PCDHA10: variants seen among roughly 807,000 people sequenced by gnomAD.
The protein encoded by PCDHA10 is protocadherin alpha-10.
A neutral mutation model predicts 61.2 loss-of-function variants in PCDHA10; 45 were observed. The ratio of observed to expected loss-of-function variants is 0.74; its 90% CI spans 0.58 to 0.94. PCDHA10 has a LOEUF of 0.94. Ranked by LOEUF, PCDHA10 falls within the 40% of genes least tolerant of loss-of-function variation. The probability of loss-of-function intolerance (pLI) is 0.00; values close to 1 mark genes in which losing one functional copy is unlikely to be tolerated. For synonymous variants in PCDHA10, 602 were observed against 548.8 expected (o/e 1.10, Z -1.35); for missense variants, 1,278 against 1,236.2 (o/e 1.03, Z -0.51).
intron 1 of PCDHA10, chr5:140,884,560 G>A: frequency 6.2e-7 from 1 of 1,614,132 alleles, no homozygotes; most frequent in African/African-American, 1.3e-5. Context: ...GGGAGGGCCC[G>A]CATAAGACGG....
At chr5:140,923,785 C>T (rs2081509867) in intron 1 of PCDHA10, among the ~76,000 whole-genome samples, 1 of 152,156 alleles carries the variant, frequency 6.6e-6, no homozygotes, top group African/African-American at 2.4e-5. Flanking sequence ...ATGGTTTCTT[C>T]ATTCTTTTCA....
chr5:140,995,526 A>G (rs1241973159), intron 3 of PCDHA10, among the ~76,000 whole-genome samples: 1 of 152,244 alleles, frequency 6.6e-6, no homozygotes, highest in Non-Finnish European at 1.5e-5. Context: ...TCAGAAATCA[A>G]ACCTCAAATA....
At chr5:140,971,732 T>C (rs1554233582) in intron 1 of PCDHA10, among the ~76,000 whole-genome samples, 2 of 151,638 alleles carry the variant, frequency 1.3e-5, no homozygotes, top group African/African-American at 4.8e-5. Flanking sequence ...ATCATACATA[T>C]ACACATACAT....
chr5:140,884,577 T>G, intron 1 of PCDHA10: 1 of 1,614,230 alleles, frequency 6.2e-7, no homozygotes, highest in Non-Finnish European at 8.5e-7. Context: ...ACGGACCTCA[T>G]GGCCTTCAGT....
chr5:140,933,694 C>A lies in PCDHA10; in HGVS notation c.2389-45255C>A, dbSNP rs782754431. On this transcript the variant is annotated intron_variant, in intron 1 of 3. Coordinates refer to ENST00000307360, the MANE Select transcript of PCDHA10 (RefSeq NM_018901.4). ...CTCTCACATTTTTTTTCCTATTCCT[C>A]GGACACATTTACTGAGATTGGTGAT... 5.3e-5 allele frequency among the ~76,000 whole-genome samples: 8 copies of A among 151,858 alleles called. No homozygotes were observed. In the South Asian group the frequency reaches 1.7e-3, roughly 31 times the overall value.
intron 1 of PCDHA10, chr5:140,881,501 C>A (rs782000314): frequency 3.3e-4 from 82 of 248,870 alleles, no homozygotes; most frequent in Non-Finnish European, 4.9e-4. Context: ...CACATACACA[C>A]ACTCACATAC....
At chr5:140,959,230 A>C (rs776449475) in intron 1 of PCDHA10, among the ~76,000 whole-genome samples, 13 of 152,092 alleles carry the variant, frequency 8.5e-5, no homozygotes, top group Non-Finnish European at 1.0e-4. Context: ...TACAAAAATT[A>C]TCTGGGCATG....
chr5:140,914,815 GACTGCATAAACAAAAAACAAACACACAA>G (rs2076856567), intron 1 of PCDHA10, among the ~76,000 whole-genome samples: 1 of 151,986 alleles, frequency 6.6e-6, no homozygotes, highest in Non-Finnish European at 1.5e-5. Context: ...CAACTTAACA[GACTGCATAAACAAAAAACAAACACACAA>G]AAGGAAGACT....
At chr5:140,978,726 T>C (rs1453953300) in intron 1 of PCDHA10, among the ~76,000 whole-genome samples, 2 of 152,250 alleles carry the variant, frequency 1.3e-5, no homozygotes, top group African/African-American at 4.8e-5. Flanking sequence ...TTATTAAATC[T>C]GGTCTTCCAG....
intron 1 of PCDHA10, among the ~76,000 whole-genome samples, chr5:140,941,192 TTTCTTTCTTCCTTTCTTTCTTCC>T (rs2153649449): frequency 1.0e-5 from 1 of 99,660 alleles, no homozygotes; most frequent in African/African-American, 4.0e-5. Flanking sequence ...CTTCTTTTTT[TTTCTTTCTTCCTTTCTTTCTTCC>T]TTTCTTTCTT....
intron 1 of PCDHA10, chr5:140,877,849 TA>T: frequency 6.5e-7 from 1 of 1,545,946 alleles, no homozygotes; most frequent in Non-Finnish European, 8.7e-7. Context: ...AGTAAGTTAT[TA>T]ATATTATTTA....
chr5:140,900,420 GGC>G lies in PCDHA10; in HGVS notation c.2388+41985_2388+41986del, dbSNP rs1554189140. ...AGCCTCCCAAGTAGCTGGGATTATA[GGC>G]ACGTGCCACCACGGCCGGCTAATTT... On this transcript the variant is annotated intron_variant, in intron 1 of 3. Transcript: ENST00000307360. Among the ~76,000 whole-genome samples the G allele has an allele frequency of 7.9e-5, 12 of 152,256 alleles. No individual in the cohort carries two copies. The East Asian group carries it at 2.3e-3, about 30-fold the overall frequency.
At chr5:140,893,229 G>A (rs922723551) in intron 1 of PCDHA10, among the ~76,000 whole-genome samples, 3 of 152,212 alleles carry the variant, frequency 2.0e-5, no homozygotes, top group Non-Finnish European at 4.4e-5. Context: ...GTATCACTTT[G>A]ACATACTGGT....
At chr5:140,976,241 T>C (rs1170027788) in intron 1 of PCDHA10, among the ~76,000 whole-genome samples, 3 of 152,144 alleles carry the variant, frequency 2.0e-5, no homozygotes, top group African/African-American at 4.8e-5. Context: ...TGTCATTTCA[T>C]GTAAATTTAT....
chr5:140,922,605 A>G (rs1328283001), intron 1 of PCDHA10, among the ~76,000 whole-genome samples: 2 of 152,258 alleles, frequency 1.3e-5, no homozygotes, highest in African/African-American at 4.8e-5. Flanking sequence ...AGTTGAAGAT[A>G]TATTAAAACT....
intron 1 of PCDHA10, among the ~76,000 whole-genome samples, chr5:140,915,582 G>A (rs991142864): frequency 2.6e-5 from 4 of 152,056 alleles, no homozygotes; most frequent in South Asian, 4.1e-4. Flanking sequence ...CCAGGCAAAA[G>A]CACTTGTTCT....
intron 1 of PCDHA10, among the ~76,000 whole-genome samples, chr5:140,907,765 T>C (rs901037519): frequency 8.5e-5 from 13 of 152,144 alleles, no homozygotes; most frequent in African/African-American, 3.1e-4. Flanking sequence ...GCCCATTGGG[T>C]GATGACAGGG....
At chr5:140,987,938 C>G (rs2153869339) in intron 3 of PCDHA10, among the ~76,000 whole-genome samples, 1 of 152,208 alleles carries the variant, frequency 6.6e-6, no homozygotes, top group East Asian at 1.9e-4. Context: ...AGGATTCTTA[C>G]CTGTCTGACA....
Position 140,958,548 on chromosome 5 carries a change from A to G in PCDHA10, c.2389-20401A>G, listed in dbSNP as rs185504563. The stretch of plus-strand genomic sequence containing the variant: ...TATGTGTACATTGATTTATGAACCA[A>G]TAAATGTTTCATACACAGTTGAGAT... On this transcript the variant is annotated intron_variant, in intron 1 of 3. Transcript: ENST00000307360. Among the ~76,000 whole-genome samples the G allele has an allele frequency of 5.4e-3, 828 of 152,296 alleles. 8 individuals are homozygous for G. Among genetic ancestry groups the G allele is most frequent in the South Asian group, 1.0e-2 (48 of 4,822 alleles).
Sources: gnomAD v4.1 joint callset for allele counts (sites outside exome capture counted in the v4.1 genomes callset) on GRCh38, gnomAD v4.1.1 for gene constraint, MANE v1.5 for transcripts, NCBI Gene and HGNC (gene_info 2026-07-23, HGNC 2026-07-21) for gene names.